Variants in PTPRN2 observed in about 807,000 individuals in gnomAD.
PTPRN2 encodes receptor-type tyrosine-protein phosphatase N2.
PTPRN2 carries 74 observed loss-of-function variants against 118.8 expected under a neutral mutation model. The ratio of observed to expected loss-of-function variants is 0.62; its 90% confidence interval spans 0.52 to 0.76. The LOEUF is 0.76. PTPRN2 is among the 30% of genes least tolerant of loss of function. The pLI is 0.00. For synonymous variants in PTPRN2, 641 were observed against 608.0 expected, an observed-to-expected ratio of 1.05 and a Z score of -0.80; for missense variants, 1,481 against 1,394.4, an observed-to-expected ratio of 1.06 and a Z score of -0.99.
At chr7:157,592,495 G>C (rs1432937010) in intron 17 of PTPRN2, among the ~76,000 whole-genome samples, 5 of 144,856 alleles carry the variant, frequency 3.5e-5, no homozygotes, top group African/African-American at 2.6e-5. Flanking sequence ...CCTGCTGAAC[G>C]GAGGTTGGAT....
chr7:158,560,050 AC>A (rs1395422740), intron 1 of PTPRN2, among the ~76,000 whole-genome samples: 1 of 152,190 alleles, frequency 6.6e-6, no homozygotes, highest in African/African-American at 2.4e-5. Context: ...GTTCCTGTGA[AC>A]TTGATGATTC....
intron 2 of PTPRN2, among the ~76,000 whole-genome samples, chr7:158,444,631 C>G (rs1817601705): frequency 6.6e-6 from 1 of 152,172 alleles, no homozygotes; most frequent in South Asian, 2.1e-4. Flanking sequence ...CAAGTGAAAG[C>G]CTCGGACCGT....
chr7:158,344,260 G>C (rs1441383513), intron 2 of PTPRN2, among the ~76,000 whole-genome samples: 1 of 152,132 alleles, frequency 6.6e-6, no homozygotes, highest in East Asian at 1.9e-4. Context: ...GCCAGACCAG[G>C]CTCGGGAAGA....
chr7:157,903,253 T>C lies in PTPRN2; in HGVS notation c.1724-4516A>G, dbSNP rs547070302. 7.2e-5 allele frequency among the ~76,000 whole-genome samples: 11 copies of C among 151,840 alleles called. No individual in the cohort carries two copies. The East Asian group carries it at 1.9e-3, about 27-fold the overall frequency. ...CATAGAGATGGGAACAACAGACACGTAAGAGGGAATGTGAGAGGGAATGTG... is the reference window on the plus strand; with the variant it reads ...CATAGAGATGGGAACAACAGACACGCAAGAGGGAATGTGAGAGGGAATGTG... On this transcript the variant is annotated intron_variant, in intron 11 of 22. Transcript: ENST00000389418. The surrounding 1 kb of genome is among the most constrained non-coding windows in gnomAD (Gnocchi z 4.2).
rs75843269 is a variant in PTPRN2, at chr7:158,544,238, G to A, written c.112+43320C>T. 3.0e-4 allele frequency among the ~76,000 whole-genome samples: 46 copies of A among 152,170 alleles called. No homozygotes were observed. Among genetic ancestry groups the A allele is most frequent in the African/African-American group, 1.1e-3 (44 of 41,506 alleles). On this transcript the variant is annotated intron_variant, in intron 1 of 22. Coordinates refer to ENST00000389418, the MANE Select transcript of PTPRN2 (RefSeq NM_002847.5). The surrounding 1 kb of genome is among the most constrained non-coding windows in gnomAD (Gnocchi z 4.2). ...GGCCAATGAACCCAAAAACAGGAAC[G>A]GCAACGTTGACTCTAAAGCAAGCGT... is the stretch of plus-strand genomic sequence containing the variant.
intron 5 of PTPRN2, among the ~76,000 whole-genome samples, chr7:158,170,873 T>G (rs1823479824): frequency 6.6e-6 from 1 of 152,032 alleles, no homozygotes; most frequent in Non-Finnish European, 1.5e-5. Flanking sequence ...AAGTAATCTG[T>G]AAAACAAGGA....
intron 2 of PTPRN2, among the ~76,000 whole-genome samples, chr7:158,414,796 C>A (rs1176187478): frequency 6.6e-6 from 1 of 152,230 alleles, no homozygotes; most frequent in African/African-American, 2.4e-5. Context: ...ATGAAGCTTC[C>A]GGAGCATCTC....
intron 12 of PTPRN2, among the ~76,000 whole-genome samples, chr7:157,716,448 G>C (rs1214976184): frequency 9.5e-6 from 1 of 105,510 alleles, no homozygotes; most frequent in Non-Finnish European, 1.9e-5. Flanking sequence ...CAGGAACACT[G>C]CCTGGCCACG....
chr7:158,006,963 C>T lies in PTPRN2; in HGVS notation c.1723+74335G>A, dbSNP rs138493679. Reference sequence around the variant, plus strand: ...GCCCTAACAAGCCTCACAGCCTGAGCGGCTCAAACAACAGAAATGTACTCC... The same window carrying T: ...GCCCTAACAAGCCTCACAGCCTGAGTGGCTCAAACAACAGAAATGTACTCC... On this transcript the variant is annotated intron_variant, in intron 11 of 22. Coordinates refer to ENST00000389418, the MANE Select transcript of PTPRN2 (RefSeq NM_002847.5). Among the ~76,000 whole-genome samples the T allele has an allele frequency of 3.9e-5, 6 of 152,274 alleles. 1 individual carries two copies. Among genetic ancestry groups the T allele is most frequent in the South Asian group, 4.2e-4 (2 of 4,818 alleles).
At chr7:158,199,372 C>A (rs1246301758) in intron 4 of PTPRN2, among the ~76,000 whole-genome samples, 1 of 152,190 alleles carries the variant, frequency 6.6e-6, no homozygotes, top group Non-Finnish European at 1.5e-5. Flanking sequence ...CTCTTTCTGG[C>A]TTTCTCTCAT....
chr7:157,732,085 G>C (rs1799974234), intron 12 of PTPRN2, among the ~76,000 whole-genome samples: 2 of 70,644 alleles, frequency 2.8e-5, no homozygotes, highest in South Asian at 4.7e-4. Context: ...GCCCAGCACA[G>C]TTACCCTTTC....
At chr7:158,151,598 A>G (rs1821167446) in intron 6 of PTPRN2, among the ~76,000 whole-genome samples, 1 of 151,852 alleles carries the variant, frequency 6.6e-6, no homozygotes, top group Non-Finnish European at 1.5e-5. Context: ...GGTATGAGCC[A>G]CGCCCTCCCC....
At chr7:157,947,486 G>A (rs1018904651) in intron 11 of PTPRN2, among the ~76,000 whole-genome samples, 1 of 152,182 alleles carries the variant, frequency 6.6e-6, no homozygotes, top group Non-Finnish European at 1.5e-5. Flanking sequence ...GTGAGATGTG[G>A]TGGTACCAGG....
At chr7:157,819,147 C>T (rs993826165) in intron 12 of PTPRN2, among the ~76,000 whole-genome samples, 9 of 152,192 alleles carry the variant, frequency 5.9e-5, no homozygotes, top group African/African-American at 1.9e-4. Context: ...CACCTGCACC[C>T]GCTCAGGGTG....
chr7:158,020,009 G>A (rs1585214024), intron 11 of PTPRN2, among the ~76,000 whole-genome samples: 17 of 152,296 alleles, frequency 1.1e-4, no homozygotes, highest in Admixed American at 9.8e-4. Flanking sequence ...GGCCATCCAG[G>A]ACCCAGATTC....
chr7:158,175,812 C>T (rs1028713839), intron 5 of PTPRN2, among the ~76,000 whole-genome samples: 11 of 152,140 alleles, frequency 7.2e-5, no homozygotes, highest in East Asian at 1.9e-4. Flanking sequence ...GACAGTATCA[C>T]GGGGTGCCAA....
intron 12 of PTPRN2, among the ~76,000 whole-genome samples, chr7:157,696,233 C>G (rs1283208369): frequency 7.0e-6 from 1 of 143,048 alleles, no homozygotes; most frequent in Admixed American, 6.8e-5. Context: ...TCACCATCTA[C>G]CCATGCATAC....
At chr7:158,092,193 T>C (rs1451482461) in intron 10 of PTPRN2, among the ~76,000 whole-genome samples, 1 of 150,476 alleles carries the variant, frequency 6.6e-6, no homozygotes, top group Non-Finnish European at 1.5e-5. Flanking sequence ...CACATATACA[T>C]GTATATGTGT....
intron 2 of PTPRN2, among the ~76,000 whole-genome samples, chr7:158,485,319 G>A (rs1820929463): frequency 6.6e-6 from 1 of 151,520 alleles, no homozygotes; most frequent in Non-Finnish European, 1.5e-5. Flanking sequence ...TCGTCCTGAC[G>A]CACTCTTAGA....
Sources: gnomAD v4.1 joint callset for allele counts (sites outside exome capture counted in the v4.1 genomes callset) on GRCh38, gnomAD v4.1.1 for gene constraint, Gnocchi (gnomAD v3.1) non-coding constraint, MANE v1.5 for transcripts, NCBI Gene and HGNC (gene_info 2026-07-23, HGNC 2026-07-21) for gene names.